SMG6: variants seen among roughly 807,000 people sequenced by gnomAD.
SMG6 encodes the protein SMG6 nonsense mediated mRNA decay factor, also known as telomerase-binding protein EST1A.
Under a neutral mutation model 142.2 loss-of-function variants are expected in SMG6, and 66 were observed. The ratio of observed to expected loss-of-function variants is 0.46; its 90% CI spans 0.38 to 0.57. The LOEUF (loss-of-function observed/expected upper bound fraction) is 0.57. SMG6 is among the 20% of genes least tolerant of loss of function. The pLI is 0.00. For synonymous variants in SMG6, 779 were observed against 702.4 expected (o/e 1.11, Z -1.72); for missense variants, 1,793 against 1,832.0 (o/e 0.98, Z 0.39).
At chr17:2,236,689 TCTCA>T (rs771429607) in intron 9 of SMG6, 52 bp from the exon 10 acceptor site, 9 of 1,541,676 alleles carry the variant, frequency 5.8e-6, no homozygotes, top group Non-Finnish European at 7.8e-6. Context: ...TCAGTCTCTC[TCTCA>T]CTCTGTCTCA....
chr17:2,272,149 T>C (rs573413957), intron 8 of SMG6, among the ~76,000 whole-genome samples: 2 of 152,338 alleles, frequency 1.3e-5, no homozygotes, highest in Non-Finnish European at 2.9e-5. Context: ...CAGCCTCCTC[T>C]CTACCCTCCA....
intron 9 of SMG6, 64 bp from the exon 10 acceptor site, chr17:2,236,701 T>TCACACACA (rs71150853): frequency 3.5e-5 from 34 of 959,034 alleles, no homozygotes; most frequent in African/African-American, 2.4e-4. Flanking sequence ...TCACTCTGTC[T>TCACACACA]CACACACACA....
In SMG6 at chr17:2,270,247, T is replaced by C. The variant is rs138517645; in HGVS notation, c.2661+12400A>G. 1.0e-3 allele frequency among the ~76,000 whole-genome samples: 153 copies of C among 152,276 alleles called. 1 individual carries two copies. The highest frequency in any genetic ancestry group is 3.5e-3 in the African/African-American group (146 of 41,558). On this transcript the variant is annotated intron_variant, in intron 8 of 18. Transcript: ENST00000263073. ...GGTGAATATACCAGTGTGTATAATA[T>C]GCCACTAATAATGCAAGAGAAGAAA...
chr17:2,263,028 A>G (rs2074350318), intron 8 of SMG6, among the ~76,000 whole-genome samples: 1 of 152,230 alleles, frequency 6.6e-6, no homozygotes, highest in African/African-American at 2.4e-5. Context: ...GATAAAATAG[A>G]TAAAAACAAG....
chr17:2,131,503 T>C (rs1316906430), intron 13 of SMG6, among the ~76,000 whole-genome samples: 1 of 152,128 alleles, frequency 6.6e-6, no homozygotes, highest in East Asian at 1.9e-4. Context: ...TTTCACTATA[T>C]AGGCCAGGGT....
chr17:2,187,743 T>TAAA (rs35269327), intron 11 of SMG6, among the ~76,000 whole-genome samples: 1 of 138,504 alleles, frequency 7.2e-6, no homozygotes, highest in Non-Finnish European at 1.6e-5. Flanking sequence ...CTTCTGTCCC[T>TAAA]AAAAAAAAAA....
At position 2,299,763 on chromosome 17, in the gene SMG6, G is replaced by C. The variant is rs200020527; in HGVS notation, c.990C>G (p.Asn330Lys). ...SSERKRHLER[N>K]WSGRGEGEQK... ...GCTCACCCTCCCCACGGCCAGACCA[G>C]TTTCTTTCTAAATGTCTCTTCCTTT... is the stretch of plus-strand genomic sequence containing the variant. The change falls in exon 2 of 19, where the codon AAC (asparagine) becomes AAG (lysine). Residue 330 changes from asparagine (N) to lysine (K), a missense_variant. Transcript: ENST00000263073. The surrounding 1 kb of genome is among the most constrained non-coding windows in gnomAD (Gnocchi z 4.3). 229 of 1,614,178 alleles carry C rather than the reference G, an allele frequency of 1.4e-4. No individual in the cohort carries two copies. In the East Asian group the frequency reaches 1.8e-3, roughly 12 times the overall value.
intron 15 of SMG6, among the ~76,000 whole-genome samples, chr17:2,077,362 C>T (rs1246666291): frequency 2.0e-5 from 3 of 152,256 alleles, no homozygotes; most frequent in Middle Eastern, 3.4e-3. Context: ...CAGAGGCAGA[C>T]GGATTCCTCC....
intron 12 of SMG6, among the ~76,000 whole-genome samples, chr17:2,176,956 G>C (rs980090995): frequency 6.6e-6 from 1 of 152,212 alleles, no homozygotes; most frequent in South Asian, 2.1e-4. Flanking sequence ...GTCAGTTTGA[G>C]TGCAGTGCAG....
chr17:2,238,523 G>A (rs372338951), intron 9 of SMG6, among the ~76,000 whole-genome samples: 12 of 152,318 alleles, frequency 7.9e-5, no homozygotes, highest in African/African-American at 2.6e-4. Flanking sequence ...TCTGGTCAGA[G>A]GTGGGGAGGG....
At chr17:2,192,669 C>T (rs1717350610) in intron 10 of SMG6, among the ~76,000 whole-genome samples, 1 of 152,190 alleles carries the variant, frequency 6.6e-6, no homozygotes, top group Admixed American at 6.5e-5. Context: ...CGACATAAGG[C>T]TGCTTTTCTC....
chr17:2,141,990 G>T (rs930561173), intron 13 of SMG6, among the ~76,000 whole-genome samples: 1 of 152,146 alleles, frequency 6.6e-6, no homozygotes, highest in African/African-American at 2.4e-5. Flanking sequence ...TGTACTTCAG[G>T]TAGAAGAAAC....
At chr17:2,277,314 C>A (rs946914533) in intron 8 of SMG6, among the ~76,000 whole-genome samples, 4 of 151,808 alleles carry the variant, frequency 2.6e-5, no homozygotes, top group Admixed American at 6.6e-5. Flanking sequence ...CTACAGGTGC[C>A]TGCCACCATG....
intron 8 of SMG6, among the ~76,000 whole-genome samples, chr17:2,250,768 C>G (rs1335863233): frequency 1.3e-5 from 2 of 152,056 alleles, no homozygotes; most frequent in African/African-American, 2.4e-5. Flanking sequence ...TAGGTGGAGA[C>G]CAAATTTCAT....
Position 2,071,645 on chromosome 17 carries a change from A to G in SMG6, c.3682-2714T>C, listed in dbSNP as rs1204179851. On this transcript the variant is annotated intron_variant, in intron 15 of 18. Transcript: ENST00000263073. The surrounding 1 kb of genome is among the most constrained non-coding windows in gnomAD (Gnocchi z 5.6). ...CTGGCTCTGCCCAGTGAGTCACCAA[A>G]CAACTGCTTCCTGTTCCCCGCATGC... Among the ~76,000 whole-genome samples, 6 of 152,106 alleles carry G rather than the reference A, an allele frequency of 3.9e-5. No homozygotes were observed. Among genetic ancestry groups the G allele is most frequent in the Admixed American group, 3.9e-4 (6 of 15,278 alleles).
chr17:2,216,041 C>T (rs2073009523), intron 10 of SMG6: 1 of 152,308 alleles, frequency 6.6e-6, no homozygotes, highest in South Asian at 2.1e-4. Flanking sequence ...CTCCCTCAGC[C>T]CTGAGTGCAG....
intron 13 of SMG6, among the ~76,000 whole-genome samples, chr17:2,131,299 A>ATT: frequency 6.8e-6 from 1 of 146,394 alleles, no homozygotes; most frequent in Admixed American, 6.8e-5. Context: ...CTCAGAAATG[A>ATT]TTTTTTTTTT....
chr17:2,303,377 C>G (rs1029065289), intron 1 of SMG6: 1 of 1,234,528 alleles, frequency 8.1e-7, no homozygotes, highest in East Asian at 3.3e-5. Flanking sequence ...GAACAGTCAC[C>G]TTCGCGGCGA....
chr17:2,064,072 T>C (rs1211099074), intron 18 of SMG6, among the ~76,000 whole-genome samples: 3 of 152,004 alleles, frequency 2.0e-5, no homozygotes, highest in South Asian at 4.1e-4. Context: ...TGTGTCTGTA[T>C]GGGGAGAGGA....
Sources: gnomAD v4.1 joint callset for allele counts (sites outside exome capture counted in the v4.1 genomes callset) on GRCh38, gnomAD v4.1.1 for gene constraint, Gnocchi (gnomAD v3.1) non-coding constraint, MANE v1.5 for transcripts, NCBI Gene and HGNC (gene_info 2026-07-23, HGNC 2026-07-21) for gene names.